The following DMD variants were observed in gnomAD, a reference collection of about 807,000 sequenced individuals.
The protein encoded by DMD is mutant dystrophin.
A neutral mutation model predicts 330.1 loss-of-function variants in DMD; 63 were observed. The observed-to-expected ratio is 0.19, with a 90% CI of 0.16 to 0.24. The LOEUF (loss-of-function observed/expected upper bound fraction) is 0.24. Ranked by LOEUF, DMD falls within the 10% of genes least tolerant of loss-of-function variation. DMD has a pLI of 1.00. For synonymous variants in DMD, 1,223 were observed against 959.8 expected, an observed-to-expected ratio of 1.27 and a Z score of -5.07; for missense variants, 3,344 against 2,684.1, an observed-to-expected ratio of 1.25 and a Z score of -5.43.
intron 7 of DMD, among the ~76,000 whole-genome samples, chrX:32,785,148 A>G (rs1486873487): frequency 9.1e-6 from 1 of 109,822 alleles, no homozygotes; most frequent in African/African-American, 3.3e-5. Flanking sequence ...ACCCATTGGA[A>G]AAAATCTTAG....
chrX:32,152,592 C>A (rs2096810253), intron 44 of DMD, among the ~76,000 whole-genome samples: 1 of 111,550 alleles, frequency 9.0e-6, no homozygotes, highest in Non-Finnish European at 1.9e-5. Context: ...GTATGCCCTG[C>A]CCTTTCTTTT....
At chrX:32,747,650 G>A (rs1485925529) in intron 7 of DMD, among the ~76,000 whole-genome samples, 1 of 102,842 alleles carries the variant, frequency 9.7e-6, no homozygotes, top group Non-Finnish European at 1.9e-5. Flanking sequence ...ACCACACCTC[G>A]CTAATTTTTT....
chrX:32,287,256 C>A (rs754714220), intron 43 of DMD, among the ~76,000 whole-genome samples: 5 of 111,735 alleles, frequency 4.5e-5, no homozygotes, highest in Non-Finnish European at 9.4e-5. Flanking sequence ...TATAGCACCT[C>A]AATGCCCCAA....
chrX:32,244,721 G>A (rs1183998297), intron 43 of DMD, among the ~76,000 whole-genome samples: 1 of 92,947 alleles, frequency 1.1e-5, no homozygotes, highest in Non-Finnish European at 2.1e-5. Flanking sequence ...GTGATGGTGA[G>A]GATTTTTTCA....
intron 4 of DMD, among the ~76,000 whole-genome samples, chrX:32,825,221 C>G (rs1047796787): frequency 9.0e-6 from 1 of 111,579 alleles, no homozygotes; most frequent in Non-Finnish European, 1.9e-5. Flanking sequence ...CTGGTAGATA[C>G]GTTTTGGGTT....
intron 52 of DMD, among the ~76,000 whole-genome samples, chrX:31,727,625 C>A (rs2149005241): frequency 8.9e-6 from 1 of 112,108 alleles, no homozygotes; most frequent in Non-Finnish European, 1.9e-5. Context: ...TGAATGACTT[C>A]ATAGAGGGCT....
chrX:32,531,529 A>T (rs911078815), intron 17 of DMD, among the ~76,000 whole-genome samples: 1 of 111,902 alleles, frequency 8.9e-6, no homozygotes, highest in Admixed American at 9.5e-5. Flanking sequence ...CATCTTAATC[A>T]GGTCACAGGC....
chrX:31,563,848 T>G (rs2075327405), intron 55 of DMD, among the ~76,000 whole-genome samples: 1 of 111,946 alleles, frequency 8.9e-6, no homozygotes, highest in East Asian at 2.8e-4. Flanking sequence ...TGGGTTGAAT[T>G]CTGTCCAAAT....
chrX:32,656,676 C>T (rs941706186), intron 9 of DMD, among the ~76,000 whole-genome samples: 1 of 111,792 alleles, frequency 8.9e-6, no homozygotes, highest in African/African-American at 3.3e-5. Context: ...TTTGCTTCAT[C>T]GTTTTTCAAG....
chrX:33,302,857 GA>G (rs2053687177), intron 1 of DMD, among the ~76,000 whole-genome samples: 1 of 111,424 alleles, frequency 9.0e-6, no homozygotes, highest in Non-Finnish European at 1.9e-5. Flanking sequence ...AATATATAAT[GA>G]AATGTATTCA....
At chrX:32,951,520 C>A (rs1486124443) in intron 2 of DMD, among the ~76,000 whole-genome samples, 1 of 111,491 alleles carries the variant, frequency 9.0e-6, no homozygotes, top group Non-Finnish European at 1.9e-5. Context: ...TTACCTTAAA[C>A]TGATCGAAAA....
intron 2 of DMD, among the ~76,000 whole-genome samples, chrX:32,991,482 T>C (rs1389292941): frequency 2.7e-5 from 3 of 112,126 alleles, no homozygotes; most frequent in Non-Finnish European, 1.9e-5. Flanking sequence ...TAAAACCATG[T>C]GACTACTGAG....
At chrX:31,456,411 T>C (rs2066164608) in intron 59 of DMD, among the ~76,000 whole-genome samples, 1 of 112,150 alleles carries the variant, frequency 8.9e-6, no homozygotes, top group South Asian at 3.7e-4. Context: ...GCTACCTTTT[T>C]GGAGCTGATT....
chrX:31,667,673 T>C (rs1210579367), intron 53 of DMD, among the ~76,000 whole-genome samples: 1 of 111,466 alleles, frequency 9.0e-6, no homozygotes, highest in African/African-American at 3.3e-5. Context: ...ATTATTAGAT[T>C]GTCGTTTGTA....
chrX:31,960,661 A>T (rs1414026978), intron 45 of DMD, among the ~76,000 whole-genome samples: 4 of 112,239 alleles, frequency 3.6e-5, no homozygotes, highest in African/African-American at 1.3e-4. Context: ...ATTCACTTGT[A>T]TATCTCCACA....
chrX:32,326,880 C>T (rs1392938023), intron 41 of DMD, among the ~76,000 whole-genome samples: 4 of 100,648 alleles, frequency 4.0e-5, no homozygotes, highest in African/African-American at 1.4e-4. Flanking sequence ...GCACTCCAGC[C>T]TGGGTGACAG....
intron 55 of DMD, among the ~76,000 whole-genome samples, chrX:31,548,022 C>T (rs1292757415): frequency 8.9e-6 from 1 of 111,957 alleles, no homozygotes; most frequent in Non-Finnish European, 1.9e-5. Flanking sequence ...TGGAGCAACA[C>T]TCATACTTTT....
chrX:33,110,425 T>C (rs1043978966), intron 1 of DMD, among the ~76,000 whole-genome samples: 6 of 111,305 alleles, frequency 5.4e-5, no homozygotes, highest in South Asian at 3.7e-4. Context: ...ATACTGAATA[T>C]AATACTATTA....
intron 60 of DMD, among the ~76,000 whole-genome samples, chrX:31,372,860 T>A (rs1206788031): frequency 9.1e-6 from 1 of 110,447 alleles, no homozygotes; most frequent in Non-Finnish European, 1.9e-5. Context: ...GGGTATTCAA[T>A]TAGGAAAAGA....
Sources: allele counts gnomAD v4.1 joint callset (sites outside exome capture counted in the v4.1 genomes callset), GRCh38; gene constraint gnomAD v4.1.1; transcripts MANE v1.5; gene names NCBI Gene and HGNC (gene_info 2026-07-23, HGNC 2026-07-21).